The following IQSEC1 variants were observed in gnomAD, a reference collection of about 807,000 sequenced individuals.
IQSEC1 encodes IQ motif and Sec7 domain ArfGEF 1.
In IQSEC1, 31 loss-of-function variants were observed where a neutral mutation model predicts 91.0. The observed-to-expected ratio is 0.34, with a 90% CI of 0.26 to 0.46. The LOEUF is 0.46. Among genes scored for constraint, IQSEC1 ranks in the 20% least tolerant of loss-of-function variants. The pLI is 1.00. For missense variants in IQSEC1, 1,388 were observed against 1,575.6 expected, an observed-to-expected ratio of 0.88 and a Z score of 2.02; for synonymous variants, 699 against 662.6, an observed-to-expected ratio of 1.05 and a Z score of -0.84.
chr3:13,112,197 G>A (rs750700499), intron 2 of IQSEC1, among the ~76,000 whole-genome samples: 9 of 152,176 alleles, frequency 5.9e-5, no homozygotes, highest in Admixed American at 6.5e-5. Context: ...GGGAGTTAGC[G>A]GCTTCCTCCT....
At position 13,103,734 on chromosome 3, in the gene IQSEC1, C is replaced by T. The variant is rs757265278; in HGVS notation, c.303-56212G>A. Reference sequence around the variant, plus strand: ...TTGGAGGCCTGACCCCCAGAGGGTGCGCCTCCTACCCCTGGGAGCTCCCCG... The same window carrying T: ...TTGGAGGCCTGACCCCCAGAGGGTGTGCCTCCTACCCCTGGGAGCTCCCCG... On this transcript the variant is annotated intron_variant, in intron 2 of 15. Transcript: ENST00000648114. The surrounding 1 kb of genome is among the most constrained non-coding windows in gnomAD (Gnocchi z 4.1). 1.2e-3 allele frequency among the ~76,000 whole-genome samples: 185 copies of T among 152,230 alleles called. No individual in the cohort carries two copies. Among genetic ancestry groups the T allele is most frequent in the Admixed American group, 2.9e-3 (45 of 15,284 alleles).
chr3:13,101,617 A>G (rs1352574938), intron 2 of IQSEC1, among the ~76,000 whole-genome samples: 1 of 151,588 alleles, frequency 6.6e-6, no homozygotes, highest in Non-Finnish European at 1.5e-5. Flanking sequence ...AGTGGGTGGG[A>G]GAGGAAGGGG....
chr3:13,024,416 TCCAC>T (rs1703531005), intron 1 of IQSEC1, among the ~76,000 whole-genome samples: 1 of 130,470 alleles, frequency 7.7e-6, no homozygotes, highest in Non-Finnish European at 1.7e-5. Context: ...CATCCATCCA[TCCAC>T]CCATTTATCC....
At chr3:13,117,172 C>A (rs190857801) in intron 2 of IQSEC1, among the ~76,000 whole-genome samples, 503 of 149,876 alleles carry the variant, frequency 3.4e-3, no homozygotes, top group Admixed American at 4.5e-3. Context: ...ATGAATAGAC[C>A]TTTCTACAAA....
intron 1 of IQSEC1, among the ~76,000 whole-genome samples, chr3:13,169,135 G>A (rs1388664622): frequency 3.9e-5 from 6 of 152,178 alleles, no homozygotes; most frequent in East Asian, 1.9e-4. Context: ...GAATTCCCAC[G>A]TGTTGTGGGA....
intron 1 of IQSEC1, among the ~76,000 whole-genome samples, chr3:13,056,443 G>A (rs1405964758): frequency 6.6e-6 from 1 of 152,102 alleles, no homozygotes; most frequent in Non-Finnish European, 1.5e-5. Context: ...TCAGATGTCA[G>A]ACCCTTCAGG....
Position 12,899,909 on chromosome 3 carries a change from T to C in IQSEC1, c.*1074A>G. 7.1e-6 allele frequency: 7 copies of C among 985,100 alleles called. No individual in the cohort carries two copies. The highest frequency in any genetic ancestry group is 1.1e-4 in the East Asian group (1 of 8,802). The allele number at this position is 985,100 out of a possible 1,614,324, so 61.0% of individuals were successfully genotyped here. On this transcript the variant is annotated 3_prime_UTR_variant, in exon 14 of 14. Transcript: ENST00000613206. ...TGGAGATGAACACTTCTGCCGTGTA[T>C]GGGTGCCCCTCTCGGAGGACTCTGA... is the stretch of plus-strand genomic sequence containing the variant.
At chr3:13,275,657 G>A (rs1028584239) in intron 1 of IQSEC1, among the ~76,000 whole-genome samples, 1 of 152,230 alleles carries the variant, frequency 6.6e-6, no homozygotes, top group Non-Finnish European at 1.5e-5. Context: ...CACTCGCTTC[G>A]TGCTCTGGGG....
At chr3:12,942,406 T>C (rs1335056140) in intron 1 of IQSEC1, among the ~76,000 whole-genome samples, 1 of 151,788 alleles carries the variant, frequency 6.6e-6, no homozygotes, top group Non-Finnish European at 1.5e-5. Flanking sequence ...ATTGAGACCA[T>C]CCTGGCTAAC....
chr3:13,177,145 C>A (rs148512423), intron 1 of IQSEC1, among the ~76,000 whole-genome samples: 4 of 152,150 alleles, frequency 2.6e-5, no homozygotes, highest in Non-Finnish European at 5.9e-5. Context: ...TACAAGTCTG[C>A]GGATACCCTA....
intron 3 of IQSEC1, among the ~76,000 whole-genome samples, chr3:12,928,895 C>T (rs76525200): frequency 1.3e-5 from 2 of 152,130 alleles, no homozygotes; most frequent in Non-Finnish European, 2.9e-5. Flanking sequence ...GGAAGCTGTG[C>T]GGTCCCCTAT....
intron 1 of IQSEC1, among the ~76,000 whole-genome samples, chr3:13,031,416 A>G (rs1703836983): frequency 6.6e-6 from 1 of 152,210 alleles, no homozygotes; most frequent in Admixed American, 6.5e-5. Flanking sequence ...TTTCTGCAAC[A>G]TGGAATCCAA....
chr3:13,251,178 G>A (rs566260624), intron 1 of IQSEC1, among the ~76,000 whole-genome samples: 74 of 152,314 alleles, frequency 4.9e-4, no homozygotes, highest in African/African-American at 1.7e-3. Context: ...TCCCAGATGT[G>A]TACACAGCTC....
At chr3:13,150,070 T>A (rs1228032203) in intron 2 of IQSEC1, among the ~76,000 whole-genome samples, 1 of 152,092 alleles carries the variant, frequency 6.6e-6, no homozygotes, top group African/African-American at 2.4e-5. Flanking sequence ...CACCTCAAAT[T>A]TTCTCTTAAT....
chr3:13,231,758 C>G (rs910093664), intron 1 of IQSEC1, among the ~76,000 whole-genome samples: 3 of 152,250 alleles, frequency 2.0e-5, no homozygotes, highest in Non-Finnish European at 4.4e-5. Context: ...CTGATTTCCA[C>G]CTAAGCACTG....
intron 2 of IQSEC1, among the ~76,000 whole-genome samples, chr3:13,117,456 T>G (rs1706354293): frequency 6.8e-6 from 1 of 147,384 alleles, no homozygotes; most frequent in Non-Finnish European, 1.5e-5. Context: ...CGTGGTGGCG[T>G]GCTACCAGGG....
chr3:13,124,464 G>T (rs1365699711), intron 2 of IQSEC1, among the ~76,000 whole-genome samples: 4 of 152,182 alleles, frequency 2.6e-5, no homozygotes, highest in African/African-American at 9.7e-5. Context: ...GGCGGTCCAT[G>T]GATCTCTATG....
At position 12,935,283 on chromosome 3, in the gene IQSEC1, C is replaced by T. The variant is rs528684272; in HGVS notation, c.1568+165G>A. 2.6e-5 allele frequency among the ~76,000 whole-genome samples: 4 copies of T among 152,316 alleles called. No individual in the cohort carries two copies. The highest frequency in any genetic ancestry group is 3.9e-4 in the East Asian group (2 of 5,180). ...TCCCAGGAGGGGCTAGGCCTCAGCG[C>T]ACAGGCTGGCACCGTCCTAGCCACC... On this transcript the variant is annotated intron_variant, in intron 3 of 13. Coordinates refer to ENST00000613206, the MANE Select transcript of IQSEC1 (RefSeq NM_001134382.3). The surrounding 1 kb of genome is among the most constrained non-coding windows in gnomAD (Gnocchi z 8.0).
intron 1 of IQSEC1, among the ~76,000 whole-genome samples, chr3:13,019,084 C>T (rs571220823): frequency 5.9e-5 from 9 of 152,390 alleles, no homozygotes; most frequent in African/African-American, 2.2e-4. Context: ...CCCAACTCTA[C>T]AGGCGAGGAA....
Sources: gnomAD v4.1 joint callset for allele counts (sites outside exome capture counted in the v4.1 genomes callset) on GRCh38, gnomAD v4.1.1 for gene constraint, Gnocchi (gnomAD v3.1) non-coding constraint, MANE v1.5 for transcripts, NCBI Gene and HGNC (gene_info 2026-07-23, HGNC 2026-07-21) for gene names.